The following ZNF776 variants were observed in gnomAD, a reference collection of about 807,000 sequenced individuals.
The protein encoded by ZNF776 is zinc finger protein 776.
In ZNF776, 4 loss-of-function variants were observed where a neutral mutation model predicts 7.0. The ratio of observed to expected loss-of-function variants is 0.57; its 90% confidence interval spans 0.28 to 1.31. The LOEUF is 1.31. Ranked by LOEUF, ZNF776 falls within the 50% of genes most tolerant of loss-of-function variation. The pLI, the probability that ZNF776 is intolerant of heterozygous loss-of-function variation, is 0.10. For missense variants in ZNF776, 555 were observed against 625.9 expected, an observed-to-expected ratio of 0.89 and a Z score of 1.21; for synonymous variants, 212 against 213.7, an observed-to-expected ratio of 0.99 and a Z score of 0.07.
chr19:57,751,687 T>G (rs1986606293), intron 2 of ZNF776, among the ~76,000 whole-genome samples: 1 of 151,194 alleles, frequency 6.6e-6, no homozygotes, highest in African/African-American at 2.4e-5. Context: ...TTTTTGTTTT[T>G]TTTTTTTTCA....
At chr19:57,751,035 C>A in intron 2 of ZNF776, 124 bp downstream of exon 2, 1 of 1,203,564 alleles carries the variant, frequency 8.3e-7, no homozygotes, top group East Asian at 2.8e-5. Context: ...TGTTAGTTCC[C>A]TGGGTAGGTT....
rs1288711917 is a variant in ZNF776, at chr19:57,755,280, A to C, written c.*593A>C. 3 of 152,962 alleles carry C rather than the reference A, an allele frequency of 2.0e-5. No homozygotes were observed. Among genetic ancestry groups the C allele is most frequent in the African/African-American group, 7.2e-5 (3 of 41,442 alleles). 9.5% of individuals were successfully genotyped at this position (152,962 alleles called of 1,614,324 possible). A position where few individuals can be genotyped will look rare whatever the true frequency, so the allele number is the denominator to read the frequency against. ...AGAGAAAGGCCTCAACAGTGTAGCA[A>C]ATATGGAAAGACATTCACTAGAAGC... On this transcript the variant is annotated 3_prime_UTR_variant, in exon 3 of 3. Transcript: ENST00000317178.
rs151166047 is a variant in ZNF776, at chr19:57,754,401, G to C, written c.1271G>C (p.Arg424Thr). ...RYKSHLTEHQRVHTGERPYEC... is the reference protein window; with the variant it reads ...RYKSHLTEHQTVHTGERPYEC... ...AAGTCACACCTCACTGAACACCAGA[G>C]AGTTCACACTGGAGAAAGGCCATAT... Residue 424 changes from arginine (R) to threonine (T), a missense_variant, in exon 3 of 3, where the codon AGA becomes ACA. Physicochemically the swap from Arg to Thr is moderately conservative, Grantham distance 71 (BLOSUM62 -1). Coordinates refer to ENST00000317178, the MANE Select transcript of ZNF776 (RefSeq NM_173632.4). The C allele has an allele frequency of 3.7e-6, 6 of 1,614,098 alleles. No individual in the cohort carries two copies. In the African/African-American group the frequency reaches 6.7e-5, roughly 18 times the overall value.
chr19:57,750,538 G>A (rs1190324092), intron 1 of ZNF776, among the ~76,000 whole-genome samples: 1 of 152,104 alleles, frequency 6.6e-6, no homozygotes, highest in Non-Finnish European at 1.5e-5. Context: ...ATCTCTACCA[G>A]GGGCATTGGC....
chr19:57,750,966 C>CT, intron 2 of ZNF776, 55 bp downstream of exon 2: 2 of 1,540,348 alleles, frequency 1.3e-6, no homozygotes, highest in South Asian at 1.2e-5. Context: ...CTGTCCCCAT[C>CT]TTTTTTCCCC....
In ZNF776 at chr19:57,746,959, C is replaced by T. The variant is rs1050322830; in HGVS notation, c.-100C>T. ...GCTGCTCTGCAGCTCCTTAAAGGCG[C>T]TAGGCGTGACCCGCACCAAGGCCGG... On this transcript the variant is annotated 5_prime_UTR_variant, in exon 1 of 3. Coordinates refer to ENST00000317178, the MANE Select transcript of ZNF776 (RefSeq NM_173632.4). 7.8e-7 allele frequency: 1 copy of T among 1,284,606 alleles called. No homozygotes were observed. The highest frequency in any genetic ancestry group is 1.1e-6 in the Non-Finnish European group (1 of 935,796). The allele number at this position is 1,284,606 out of a possible 1,614,324, so 79.6% of individuals were successfully genotyped here.
chr19:57,753,603 A>G lies in ZNF776; in HGVS notation c.473A>G (p.His158Arg), dbSNP rs756113588. 9 of 1,614,100 alleles carry G rather than the reference A, an allele frequency of 5.6e-6. No individual in the cohort carries two copies. The highest frequency in any genetic ancestry group is 1.7e-5 in the Admixed American group (1 of 60,008). Residue 158 changes from histidine to arginine, a missense_variant, in exon 3 of 3, where the codon CAT (histidine) becomes CGT (arginine). By Grantham distance (29) the His-to-Arg change is conservative. Coordinates refer to ENST00000317178, the MANE Select transcript of ZNF776 (RefSeq NM_173632.4). Reference protein sequence around the residue: ...GTSFVKNCKFHMSHEPFIFHE... With the variant: ...GTSFVKNCKFRMSHEPFIFHE... Reference sequence around the variant, plus strand: ...TCTTTTGTAAAGAACTGTAAATTCCATATGTCACATGAGCCATTTATCTTT... The same window carrying G: ...TCTTTTGTAAAGAACTGTAAATTCCGTATGTCACATGAGCCATTTATCTTT...
chr19:57,746,978 A>G lies in ZNF776; in HGVS notation c.-81A>G. 1 of 1,414,932 alleles carries G rather than the reference A, an allele frequency of 7.1e-7. No individual in the cohort carries two copies. The highest frequency in any genetic ancestry group is 1.3e-5 in the South Asian group (1 of 75,024). 87.6% of individuals were successfully genotyped at this position (1,414,932 alleles called of 1,614,324 possible). On this transcript the variant is annotated 5_prime_UTR_variant, in exon 1 of 3. Transcript: ENST00000317178. The stretch of plus-strand genomic sequence containing the variant: ...AAGGCGCTAGGCGTGACCCGCACCA[A>G]GGCCGGGATCGGGACCACCGTGCCC...
chr19:57,753,964 C>T lies in ZNF776; in HGVS notation c.834C>T (p.His278=). The part of the protein sequence containing the change: ...QCDESFWYKA[H]LTEHQRVHTG... ...ATGAATCATTTTGGTATAAGGCCCA[C>T]CTCACTGAACACCAGAGAGTTCACA... Residue 278 remains histidine, a synonymous_variant, in exon 3 of 3, where the codon CAC becomes CAT. Transcript: ENST00000317178. 6.2e-7 allele frequency: 1 copy of T among 1,614,238 alleles called. No individual in the cohort carries two copies. The highest frequency in any genetic ancestry group is 8.5e-7 in the Non-Finnish European group (1 of 1,180,044).
chr19:57,755,564 A>G lies in ZNF776; in HGVS notation c.*877A>G, dbSNP rs913617486. The G allele has an allele frequency of 6.6e-6, 1 of 152,240 alleles. No homozygotes were observed. The highest frequency in any genetic ancestry group is 2.4e-5 in the African/African-American group (1 of 41,460). 9.4% of individuals were successfully genotyped at this position (152,240 alleles called of 1,614,324 possible). On this transcript the variant is annotated 3_prime_UTR_variant, in exon 3 of 3. Coordinates refer to ENST00000317178, the MANE Select transcript of ZNF776 (RefSeq NM_173632.4). ...TTTCACTGGATACCAGAATGTTGACAGGAGAAAAATAACATAGATGTGTGG... is the reference window on the plus strand; with the variant it reads ...TTTCACTGGATACCAGAATGTTGACGGGAGAAAAATAACATAGATGTGTGG...
Position 57,753,443 on chromosome 19 carries a change from C to T in ZNF776, c.313C>T (p.Gln105Ter). The T allele has an allele frequency of 1.9e-6, 3 of 1,614,060 alleles. No individual in the cohort carries two copies. Among genetic ancestry groups the T allele is most frequent in the Non-Finnish European group, 2.5e-6 (3 of 1,180,008 alleles). ...CGPLLGDILH[Q>*]GTQHNQKLNG... ...CCCTCTCCTGGGAGATATCTTACAC[C>T]AGGGAACACAACACAATCAGAAATT... Residue 105 changes from glutamine (Q) to a stop codon, truncating the protein, a stop_gained, in exon 3 of 3, where the codon CAG becomes TAG. Transcript: ENST00000317178. LOFTEE classifies it low-confidence loss of function (END_TRUNC).
In ZNF776 at chr19:57,756,221, T is replaced by C. The variant is rs1246818252; in HGVS notation, c.*1534T>C. ...TCTGATTACTTGACAAGATGGGCTG[T>C]CTTTCCTAGGAATCTCATGATTGTC... is the stretch of plus-strand genomic sequence containing the variant. On this transcript the variant is annotated 3_prime_UTR_variant, in exon 3 of 3. Transcript: ENST00000317178. The C allele has an allele frequency of 6.6e-6, 1 of 152,090 alleles. No individual in the cohort carries two copies. The highest frequency in any genetic ancestry group is 2.4e-5 in the African/African-American group (1 of 41,366). The allele number at this position is 152,090 out of a possible 1,614,324, so 9.4% of individuals were successfully genotyped here. A position where few individuals can be genotyped will look rare whatever the true frequency, so the allele number is the denominator to read the frequency against.
At chr19:57,751,558 G>T (rs990596424) in intron 2 of ZNF776, among the ~76,000 whole-genome samples, 1 of 151,906 alleles carries the variant, frequency 6.6e-6, no homozygotes, top group South Asian at 2.1e-4. Context: ...TAGAGATGAG[G>T]TCTGGCTGTA....
chr19:57,750,998 C>A, intron 2 of ZNF776, 87 bp downstream of exon 2: 1 of 1,437,868 alleles, frequency 7.0e-7, no homozygotes, highest in Non-Finnish European at 9.2e-7. Context: ...GTTTTCCTCA[C>A]TTCAGGAGCC....
chr19:57,753,601 C>T lies in ZNF776; in HGVS notation c.471C>T (p.Phe157=), dbSNP rs745838415. The change falls in exon 3 of 3, where the codon TTC becomes TTT. Residue 157 remains phenylalanine (F), a synonymous_variant. Transcript: ENST00000317178. ...CATCTTTTGTAAAGAACTGTAAATT[C>T]CATATGTCACATGAGCCATTTATCT... The part of the protein sequence containing the change: ...KGTSFVKNCK[F]HMSHEPFIFH... The T allele has an allele frequency of 6.2e-7, 1 of 1,614,206 alleles. No homozygotes were observed. Among genetic ancestry groups the T allele is most frequent in the Non-Finnish European group, 8.5e-7 (1 of 1,180,042 alleles).
rs772298958 is a variant in ZNF776 at position 57,750,767 on chromosome 19, C to T, written c.34-18C>T. On this transcript the variant is annotated intron_variant, in intron 1 of 2. Coordinates refer to ENST00000317178, the MANE Select transcript of ZNF776 (RefSeq NM_173632.4). ...GCATATGGAGTGTTTGTGGTTTCAT[C>T]TGTCATCATCACGGCAGGGCACTGT... 1 of 1,606,320 alleles carries T rather than the reference C, an allele frequency of 6.2e-7. No homozygotes were observed. Among genetic ancestry groups the T allele is most frequent in the South Asian group, 1.1e-5 (1 of 90,662 alleles).
In ZNF776 at chr19:57,753,301, T is replaced by C; in HGVS notation, c.171T>C (p.Tyr57=). Residue 57 remains tyrosine (Y), a synonymous_variant, in exon 3 of 3, where the codon TAT becomes TAC. Coordinates refer to ENST00000317178, the MANE Select transcript of ZNF776 (RefSeq NM_173632.4). ...LTLISSLGCW[Y]GAKDETPSKQ... is the part of the protein sequence containing the mutation. Reference sequence around the variant, plus strand: ...TTTTATTTCTTTTAGGTTGTTGGTATGGAGCAAAAGACGAGACACCTTCTA... The same window carrying C: ...TTTTATTTCTTTTAGGTTGTTGGTACGGAGCAAAAGACGAGACACCTTCTA... 6.2e-7 allele frequency: 1 copy of C among 1,606,414 alleles called. No homozygotes were observed.
At position 57,754,423 on chromosome 19, in the gene ZNF776, A is replaced by G. The variant is rs1986707702; in HGVS notation, c.1293A>G (p.Pro431=). 1 of 1,614,020 alleles carries G rather than the reference A, an allele frequency of 6.2e-7. No individual in the cohort carries two copies. The highest frequency in any genetic ancestry group is 8.5e-7 in the Non-Finnish European group (1 of 1,179,994). Residue 431 remains proline (P), a synonymous_variant, in exon 3 of 3, where the codon CCA becomes CCG. Coordinates refer to ENST00000317178, the MANE Select transcript of ZNF776 (RefSeq NM_173632.4). ...AGAGAGTTCACACTGGAGAAAGGCCATATGAGTGTAGAGAATGTGGGAAAT... is the reference window on the plus strand; with the variant it reads ...AGAGAGTTCACACTGGAGAAAGGCCGTATGAGTGTAGAGAATGTGGGAAAT... ...EHQRVHTGER[P]YECRECGKCF...
At chr19:57,748,812 A>G (rs1986518064) in intron 1 of ZNF776, among the ~76,000 whole-genome samples, 1 of 152,208 alleles carries the variant, frequency 6.6e-6, no homozygotes, top group South Asian at 2.1e-4. Flanking sequence ...CACTTAGGCC[A>G]GAGTGGTACT....
Sources: allele counts gnomAD v4.1 joint callset (sites outside exome capture counted in the v4.1 genomes callset), GRCh38; gene constraint gnomAD v4.1.1; transcripts MANE v1.5; gene names NCBI Gene and HGNC (gene_info 2026-07-23, HGNC 2026-07-21).